The following MIB1 variants were observed in gnomAD, a reference collection of about 807,000 sequenced individuals.
The protein encoded by MIB1 is E3 ubiquitin-protein ligase MIB1.
In MIB1, 278 loss-of-function variants were observed where a neutral mutation model predicts 124.5. The ratio of observed to expected loss-of-function variants is 2.23; its 90% CI spans 2.02 to 2.47. The LOEUF is 2.47. MIB1 is among the 30% of genes most tolerant of loss of function. The pLI is 0.00. For synonymous variants in MIB1, 446 were observed against 429.4 expected, an observed-to-expected ratio of 1.04 and a Z score of -0.48; for missense variants, 957 against 1,254.4, an observed-to-expected ratio of 0.76 and a Z score of 3.58.
At chr18:21,772,260 A>G (rs2041232080) in intron 3 of MIB1, among the ~76,000 whole-genome samples, 1 of 152,208 alleles carries the variant, frequency 6.6e-6, no homozygotes, top group African/African-American at 2.4e-5. Context: ...TCAGCCTGTC[A>G]TTCTAAGTAA....
rs2041151029 is a variant in MIB1, at chr18:21,765,827, C to A, written c.285C>A (p.Gly95=). The A allele has an allele frequency of 6.2e-7, 1 of 1,614,122 alleles. No homozygotes were observed. The highest frequency in any genetic ancestry group is 8.5e-7 in the Non-Finnish European group (1 of 1,179,998). Residue 95 remains glycine (G), a synonymous_variant, in exon 2 of 21, where the codon GGC becomes GGA. Coordinates refer to ENST00000261537, the MANE Select transcript of MIB1 (RefSeq NM_020774.4). The part of the protein sequence containing the change: ...CDTCRQQPII[G]IRWKCAECTN... ...CCTGCCGCCAGCAACCAATCATTGGCATTCGATGGAAGTGTGCAGAGTGTA... is the reference window on the plus strand; with the variant it reads ...CCTGCCGCCAGCAACCAATCATTGGAATTCGATGGAAGTGTGCAGAGTGTA...
chr18:21,823,086 C>G (rs1290959195), intron 12 of MIB1, among the ~76,000 whole-genome samples: 1 of 151,790 alleles, frequency 6.6e-6, no homozygotes, highest in African/African-American at 2.4e-5. Context: ...ATACAAAAAT[C>G]AGCTGGGTGT....
chr18:21,737,445 C>T (rs886334066), upstream of MIB1, among the ~76,000 whole-genome samples: 15 of 152,100 alleles, frequency 9.9e-5, no homozygotes, highest in East Asian at 5.8e-4. Context: ...TAAAGACCAT[C>T]GACGCTATGA....
intron 6 of MIB1, among the ~76,000 whole-genome samples, chr18:21,790,844 T>C (rs1320044963): frequency 1.3e-5 from 2 of 152,212 alleles, no homozygotes; most frequent in Admixed American, 1.3e-4. Flanking sequence ...TATACCAAAG[T>C]ATTTACACTT....
chr18:21,769,740 T>C (rs2041204405), intron 3 of MIB1, among the ~76,000 whole-genome samples: 1 of 152,214 alleles, frequency 6.6e-6, no homozygotes, highest in African/African-American at 2.4e-5. Flanking sequence ...CTGGAAGTCA[T>C]CTTTCCTCAT....
rs560017198 is a variant in MIB1, at chr18:21,741,522, G to T, written c.-62G>T. On this transcript the variant is annotated 5_prime_UTR_variant, in exon 1 of 21. Coordinates refer to ENST00000261537, the MANE Select transcript of MIB1 (RefSeq NM_020774.4). This position sits in a 1 kb window ranked among gnomAD's most constrained non-coding sequence, Gnocchi z 5.4. ...CGGCCCGGGCCCAACTCCCTCACGG[G>T]CCCCCCGGCGGCAGCGGCGGCGGCG... is the stretch of plus-strand genomic sequence containing the variant. 9 of 1,240,022 alleles carry T rather than the reference G, an allele frequency of 7.3e-6. No homozygotes were observed. In the African/African-American group the frequency reaches 1.4e-4, roughly 20 times the overall value. 76.8% of individuals were successfully genotyped at this position (1,240,022 alleles called of 1,614,324 possible). A position where few individuals can be genotyped will look rare whatever the true frequency, so the allele number is the denominator to read the frequency against.
chr18:21,707,492 TA>T (rs1377201175), intron 1 of MIB1, among the ~76,000 whole-genome samples: 2 of 152,178 alleles, frequency 1.3e-5, no homozygotes, highest in Non-Finnish European at 2.9e-5. Context: ...CTCTTTGCAG[TA>T]AATCTTGCTG....
intron 2 of MIB1, 88 bp downstream of exon 2, chr18:21,766,031 ATAG>A: frequency 7.9e-7 from 1 of 1,268,830 alleles, no homozygotes; most frequent in Non-Finnish European, 1.1e-6. Flanking sequence ...GGATTAGCAA[ATAG>A]CTTCTGACAG....
intron 13 of MIB1, 128 bp downstream of exon 13, chr18:21,838,625 G>A: frequency 1.5e-6 from 1 of 647,204 alleles, no homozygotes. Flanking sequence ...TCATGATGAT[G>A]AAAATTCAGA....
Position 21,798,355 on chromosome 18 carries a change from A to G in MIB1, c.1237+127A>G, listed in dbSNP as rs142672034. 685 of 932,152 alleles carry G rather than the reference A, an allele frequency of 7.3e-4. 6 individuals carry two copies. The African/African-American group carries it at 1.0e-2, about 14-fold the overall frequency. The allele number at this position is 932,152 out of a possible 1,614,324, so 57.7% of individuals were successfully genotyped here. A position where few individuals can be genotyped will look rare whatever the true frequency, so the allele number is the denominator to read the frequency against. ...GCTTTGTCCCAGATTACACAGCCTT[A>G]CTTGAATGTTGACCACCTTTTAAAC... On this transcript the variant is annotated intron_variant, in intron 8 of 20. Coordinates refer to ENST00000261537, the MANE Select transcript of MIB1 (RefSeq NM_020774.4).
At chr18:21,809,616 T>C (rs1237916346) in intron 10 of MIB1, among the ~76,000 whole-genome samples, 1 of 152,076 alleles carries the variant, frequency 6.6e-6, no homozygotes, top group East Asian at 1.9e-4. Context: ...AATCAATTAG[T>C]GTAATATGCC....
intron 20 of MIB1, among the ~76,000 whole-genome samples, chr18:21,862,146 C>T (rs968458692): frequency 2.0e-5 from 3 of 152,184 alleles, no homozygotes; most frequent in African/African-American, 7.2e-5. Context: ...ATCCTCTTAC[C>T]TCGGCCTCCC....
At chr18:21,834,098 G>A (rs1292005890) in intron 12 of MIB1, among the ~76,000 whole-genome samples, 4 of 152,128 alleles carry the variant, frequency 2.6e-5, no homozygotes, top group Admixed American at 1.3e-4. Context: ...CTAAAGTGCT[G>A]CAGGGAACAG....
At position 21,765,886 on chromosome 18, in the gene MIB1, GAGAT is replaced by G; in HGVS notation, c.346_349del (p.Asp116AsnfsTer4). ...GATTTGTGCACAGTGTGTTATCATGGAGATAAACATCATTTAAGACATCGCTTTT... is the reference window on the plus strand; with the variant it reads ...GATTTGTGCACAGTGTGTTATCATGGAAACATCATTTAAGACATCGCTTTT... On this transcript the variant is annotated frameshift_variant, in exon 2 of 21. Transcript: ENST00000261537. LOFTEE classifies it high-confidence loss of function. The G allele has an allele frequency of 6.2e-7, 1 of 1,614,136 alleles. No homozygotes were observed. The highest frequency in any genetic ancestry group is 8.5e-7 in the Non-Finnish European group (1 of 1,179,970).
chr18:21,866,271 G>C lies in MIB1; in HGVS notation c.*1605G>C, dbSNP rs1482779145. 1 of 152,104 alleles carries C rather than the reference G, an allele frequency of 6.6e-6. No homozygotes were observed. The highest frequency in any genetic ancestry group is 1.5e-5 in the Non-Finnish European group (1 of 68,036). 9.4% of individuals were successfully genotyped at this position (152,104 alleles called of 1,614,324 possible). On this transcript the variant is annotated 3_prime_UTR_variant, in exon 21 of 21. Coordinates refer to ENST00000261537, the MANE Select transcript of MIB1 (RefSeq NM_020774.4). ...AAAGCAATGGGGAGCTTTGCTGGCT[G>C]GTTTTGTAGTCTCAACAATTCCATG...
Position 21,741,829 on chromosome 18 carries a change from T to C in MIB1, c.229+17T>C. On this transcript the variant is annotated intron_variant, in intron 1 of 20. Transcript: ENST00000261537. This position sits in a 1 kb window ranked among gnomAD's most constrained non-coding sequence, Gnocchi z 5.4. ...CGCCCACCGGTAAGCCGCGGCCACC[T>C]GGCCAGGGCTTGCGCGCGCGGGGGG... The C allele has an allele frequency of 6.4e-7, 1 of 1,567,152 alleles. No homozygotes were observed. The highest frequency in any genetic ancestry group is 8.6e-7 in the Non-Finnish European group (1 of 1,156,278).
At chr18:21,765,737 G>A (rs1183597582) in intron 1 of MIB1, 35 bp from the exon 2 acceptor site, 5 of 1,567,722 alleles carry the variant, frequency 3.2e-6, no homozygotes, top group Non-Finnish European at 4.3e-6. Flanking sequence ...AATAAAATTT[G>A]TGATTAATCT....
intron 1 of MIB1, among the ~76,000 whole-genome samples, chr18:21,734,770 C>T (rs1355099856): frequency 6.6e-6 from 1 of 152,174 alleles, no homozygotes; most frequent in East Asian, 1.9e-4. Context: ...CTCAAATGAT[C>T]CATCCGCCTC....
intron 20 of MIB1, among the ~76,000 whole-genome samples, chr18:21,862,835 C>T (rs1441512261): frequency 6.6e-6 from 1 of 152,200 alleles, no homozygotes; most frequent in Non-Finnish European, 1.5e-5. Context: ...CTCAGCACTG[C>T]TCCCCACCCT....
Sources: gnomAD v4.1 joint callset for allele counts (sites outside exome capture counted in the v4.1 genomes callset) on GRCh38, gnomAD v4.1.1 for gene constraint, Gnocchi (gnomAD v3.1) non-coding constraint, MANE v1.5 for transcripts, NCBI Gene and HGNC (gene_info 2026-07-23, HGNC 2026-07-21) for gene names.